DRC1: variants seen among roughly 807,000 people sequenced by gnomAD.
The protein encoded by DRC1 is dynein regulatory complex subunit 1.
DRC1 carries 74 observed loss-of-function variants against 98.7 expected under a neutral mutation model. That is an observed-to-expected ratio of 0.75 (90% CI 0.62 to 0.91). DRC1 has a LOEUF of 0.91. DRC1 is among the 40% of genes least tolerant of loss of function. The pLI is 0.00. For missense variants in DRC1, 875 were observed against 886.0 expected, an observed-to-expected ratio of 0.99 and a Z score of 0.16; for synonymous variants, 336 against 334.1, an observed-to-expected ratio of 1.01 and a Z score of -0.06.
At chr2:26,453,678 A>C in intron 14 of DRC1, 129 bp downstream of exon 14, 1 of 938,222 alleles carries the variant, frequency 1.1e-6, no homozygotes, top group Non-Finnish European at 1.6e-6. Context: ...GGACAGGGCT[A>C]TCTGAAGGCG....
intron 2 of DRC1, among the ~76,000 whole-genome samples, chr2:26,418,606 T>C (rs1187807235): frequency 5.0e-5 from 5 of 99,660 alleles, no homozygotes; most frequent in African/African-American, 2.4e-4. Flanking sequence ...TTATATAATA[T>C]ATAAATTATA....
At position 26,431,201 on chromosome 2, in the gene DRC1, G is replaced by A. The variant is rs181641304; in HGVS notation, c.765+329G>A. On this transcript the variant is annotated intron_variant, in intron 6 of 16. Transcript: ENST00000288710. ...GATCTCCTGACCTCATGATCCTCTC[G>A]TCTCGGCCTTCCAAAGTGCTGGGAT... Among the ~76,000 whole-genome samples, 489 of 152,208 alleles carry A rather than the reference G, an allele frequency of 3.2e-3. 2 individuals carry two copies. The highest frequency in any genetic ancestry group is 0.011 in the African/African-American group (464 of 41,534).
rs1663445706 is a variant in DRC1, at chr2:26,431,898, C to G, written c.780C>G (p.Asn260Lys). Residue 260 changes from asparagine to lysine, a missense_variant, in exon 7 of 17, where the codon AAC becomes AAG. By Grantham distance (94) the Asn-to-Lys change is moderately conservative (BLOSUM62 0). Coordinates refer to ENST00000288710, the MANE Select transcript of DRC1 (RefSeq NM_145038.5). ...TGTGCCTTTAGCTGGAGTATCTTAA[C>G]AACCGCATGAAGAAAGTAGAGGACT... is the stretch of plus-strand genomic sequence containing the variant. ...AHNAKELEYL[N>K]NRMKKVEDYE... 1 of 1,613,948 alleles carries G rather than the reference C, an allele frequency of 6.2e-7. No homozygotes were observed. Among genetic ancestry groups the G allele is most frequent in the East Asian group, 2.2e-5 (1 of 44,868 alleles).
At chr2:26,445,317 G>C (rs544302993) in intron 10 of DRC1, among the ~76,000 whole-genome samples, 1 of 152,256 alleles carries the variant, frequency 6.6e-6, no homozygotes, top group South Asian at 2.1e-4. Context: ...GTTAGATTCT[G>C]TTCTTGTGTC....
At chr2:26,418,567 A>ATT (rs1678899486) in intron 2 of DRC1, among the ~76,000 whole-genome samples, 1 of 104,916 alleles carries the variant, frequency 9.5e-6, no homozygotes, top group Middle Eastern at 3.9e-3. Context: ...TTTATATATA[A>ATT]TATATATTAT....
At chr2:26,436,835 C>T (rs762124792) in intron 7 of DRC1, among the ~76,000 whole-genome samples, 3 of 152,208 alleles carry the variant, frequency 2.0e-5, no homozygotes, top group Admixed American at 2.0e-4. Context: ...TCGGAGTAGA[C>T]ATTCAGGCAC....
At chr2:26,450,479 A>T in intron 12 of DRC1, 113 bp from the exon 13 acceptor site, 1 of 873,380 alleles carries the variant, frequency 1.1e-6, no homozygotes, top group Non-Finnish European at 1.8e-6. Flanking sequence ...GCGTTGGATG[A>T]ATGCCCTCCA....
chr2:26,407,821 A>G (rs1678474352), intron 1 of DRC1, among the ~76,000 whole-genome samples: 1 of 152,098 alleles, frequency 6.6e-6, no homozygotes, highest in African/African-American at 2.4e-5. Context: ...TTATGACCCA[A>G]TTGTAGTACA....
At chr2:26,444,172 C>T (rs1038144571) in intron 8 of DRC1, 50 bp from the exon 9 acceptor site, 27 of 1,611,686 alleles carry the variant, frequency 1.7e-5, no homozygotes, top group Non-Finnish European at 2.2e-5. Flanking sequence ...GAGGAACATA[C>T]ATAATACCTT....
intron 1 of DRC1, among the ~76,000 whole-genome samples, chr2:26,408,314 G>A (rs1228862823): frequency 6.6e-6 from 1 of 152,156 alleles, no homozygotes; most frequent in East Asian, 1.9e-4. Context: ...GATACTTCAT[G>A]GAAAATAAGG....
intron 14 of DRC1, 61 bp downstream of exon 14, chr2:26,453,610 G>C (rs1664067935): frequency 1.3e-6 from 2 of 1,529,226 alleles, no homozygotes; most frequent in African/African-American, 2.8e-5. Context: ...GATGGGCTGG[G>C]GAGCCAGGCA....
chr2:26,422,641 C>T (rs1221764191), intron 3 of DRC1, among the ~76,000 whole-genome samples: 2 of 152,142 alleles, frequency 1.3e-5, no homozygotes, highest in East Asian at 1.9e-4. Flanking sequence ...TGGCCAGGCA[C>T]GGGGTGGCCC....
chr2:26,449,705 T>TA (rs1286199931), intron 11 of DRC1, among the ~76,000 whole-genome samples: 1 of 152,130 alleles, frequency 6.6e-6, no homozygotes, highest in Non-Finnish European at 1.5e-5. Context: ...GGAGTTTGCC[T>TA]AGTGGCTTGT....
At chr2:26,424,607 G>C (rs1469849672) in intron 4 of DRC1, among the ~76,000 whole-genome samples, 153 bp downstream of exon 4, 2 of 152,112 alleles carry the variant, frequency 1.3e-5, no homozygotes, top group Non-Finnish European at 2.9e-5. Context: ...TTTTTTCCAT[G>C]ATGGTAAGAA....
intron 1 of DRC1, among the ~76,000 whole-genome samples, chr2:26,409,918 G>T (rs762254764): frequency 2.6e-5 from 4 of 151,882 alleles, no homozygotes; most frequent in Admixed American, 2.0e-4. Context: ...AGAGAAAAAA[G>T]CACCTAAGAG....
intron 16 of DRC1, among the ~76,000 whole-genome samples, chr2:26,455,491 G>A (rs1015647999): frequency 6.6e-6 from 1 of 152,208 alleles, no homozygotes; most frequent in Admixed American, 6.5e-5. Flanking sequence ...GTGGCCAGCT[G>A]GGACTGCTCT....
chr2:26,451,837 A>G (rs1188660808), intron 13 of DRC1, among the ~76,000 whole-genome samples: 3 of 152,242 alleles, frequency 2.0e-5, no homozygotes, highest in African/African-American at 7.2e-5. Context: ...AAGTTAAGAG[A>G]TGAATGACAA....
chr2:26,434,481 A>G (rs1404129692), intron 7 of DRC1, among the ~76,000 whole-genome samples: 2 of 152,246 alleles, frequency 1.3e-5, no homozygotes, highest in African/African-American at 2.4e-5. Flanking sequence ...AAACCAGAAT[A>G]TTAATCCCCC....
At chr2:26,417,652 T>C (rs1353943312) in intron 2 of DRC1, among the ~76,000 whole-genome samples, 5 of 152,252 alleles carry the variant, frequency 3.3e-5, no homozygotes. Context: ...TCTTGACATA[T>C]ACATTTTAGA....
Sources: gnomAD v4.1 joint callset for allele counts (sites outside exome capture counted in the v4.1 genomes callset) on GRCh38, gnomAD v4.1.1 for gene constraint, MANE v1.5 for transcripts, NCBI Gene and HGNC (gene_info 2026-07-23, HGNC 2026-07-21) for gene names.